Variants in VPS13C observed in about 807,000 individuals in gnomAD.
The protein encoded by VPS13C is intermembrane lipid transfer protein VPS13C.
A neutral mutation model predicts 456.8 loss-of-function variants in VPS13C; 358 were observed. That is an observed-to-expected ratio of 0.78 (90% CI 0.72 to 0.86). The LOEUF is 0.86. VPS13C is among the 40% of genes least tolerant of loss of function. The pLI, the probability that VPS13C is intolerant of heterozygous loss-of-function variation, is 0.00. For synonymous variants in VPS13C, 1,578 were observed against 1,486.7 expected (o/e 1.06, Z -1.41); for missense variants, 4,818 against 4,385.4 (o/e 1.10, Z -2.79).
At chr15:61,907,109 A>T in intron 66 of VPS13C, 155 bp downstream of exon 66, 4 of 981,952 alleles carry the variant, frequency 4.1e-6, no homozygotes, top group Non-Finnish European at 6.2e-6. Context: ...GGTTTGAACT[A>T]CAGTATTTGC....
chr15:62,008,174 T>C (rs2046916335), intron 14 of VPS13C, among the ~76,000 whole-genome samples: 1 of 151,946 alleles, frequency 6.6e-6, no homozygotes, highest in African/African-American at 2.4e-5. Context: ...GAGGTTGCAA[T>C]GAGCCAAGAT....
chr15:61,994,436 T>A (rs2046314950), intron 16 of VPS13C, among the ~76,000 whole-genome samples: 1 of 152,122 alleles, frequency 6.6e-6, no homozygotes, highest in South Asian at 2.1e-4. Flanking sequence ...CCTAATAACT[T>A]GTACCTTGGG....
At chr15:61,939,508 C>A (rs1456997952) in intron 47 of VPS13C, among the ~76,000 whole-genome samples, 2 of 152,128 alleles carry the variant, frequency 1.3e-5, no homozygotes, top group African/African-American at 4.8e-5. Context: ...TATGAAAACC[C>A]ATTAAACCAC....
Position 61,967,454 on chromosome 15 carries a change from TA to T in VPS13C, c.2912-8del. The T allele has an allele frequency of 6.3e-7, 1 of 1,576,892 alleles. No homozygotes were observed. On this transcript the variant is annotated splice_region_variant and splice_polypyrimidine_tract_variant and intron_variant, in intron 28 of 84. Coordinates refer to ENST00000644861, the MANE Select transcript of VPS13C (RefSeq NM_020821.3). ...AGGGGCTTCCTTTTGGATCCTAGAT[TA>T]AAGAAAAAGGAAAAAAAAGTGTTTC...
chr15:61,864,779 G>C (rs1209936757), intron 81 of VPS13C: 3 of 985,222 alleles, frequency 3.0e-6, no homozygotes, highest in East Asian at 1.1e-4. Context: ...CAATTCACTT[G>C]TGCGAATTAG....
intron 4 of VPS13C, among the ~76,000 whole-genome samples, chr15:62,033,790 A>T (rs971793187): frequency 6.6e-6 from 1 of 151,642 alleles, no homozygotes; most frequent in Non-Finnish European, 1.5e-5. Context: ...AAAAAGGGAG[A>T]CAGGAGGAGG....
At position 61,931,139 on chromosome 15, in the gene VPS13C, T is replaced by A. The variant is rs1692788479; in HGVS notation, c.5989A>T (p.Thr1997Ser). 1 of 1,614,120 alleles carries A rather than the reference T, an allele frequency of 6.2e-7. No individual in the cohort carries two copies. Among genetic ancestry groups the A allele is most frequent in the African/African-American group, 1.3e-5 (1 of 75,044 alleles). The change falls in exon 50 of 85, where the codon ACA becomes TCA. Residue 1997 changes from threonine (T) to serine (S), a missense_variant. Around this residue, in one of 3 missense-constraint regions of VPS13C, gnomAD observed 4,552 missense variants for 4,130.6 expected, o/e 1.10. Transcript: ENST00000644861. Reference sequence around the variant, plus strand: ...TCTCTGAGATCATCAAGGGTGCATGTCTTAAGTTTAACGCTGACATTCATT... The same window carrying A: ...TCTCTGAGATCATCAAGGGTGCATGACTTAAGTTTAACGCTGACATTCATT... ...GSMNVSVKLK[T>S]CTLDDLREGI...
rs1441804270 is a variant in VPS13C at position 61,854,574 on chromosome 15, C to T, written c.11161-16G>A. On this transcript the variant is annotated splice_polypyrimidine_tract_variant and intron_variant, in intron 84 of 84. Coordinates refer to ENST00000644861, the MANE Select transcript of VPS13C (RefSeq NM_020821.3). ...TACATGCTCTCTGTAAAGTAAAATACTTATTATGAATTTTAAAGACAAGTA... is the reference window on the plus strand; with the variant it reads ...TACATGCTCTCTGTAAAGTAAAATATTTATTATGAATTTTAAAGACAAGTA... 1.9e-6 allele frequency: 3 copies of T among 1,611,996 alleles called. No individual in the cohort carries two copies. Among genetic ancestry groups the T allele is most frequent in the South Asian group, 2.2e-5 (2 of 91,018 alleles).
At chr15:62,000,651 A>G (rs1257320779) in intron 15 of VPS13C, 25 bp from the exon 16 acceptor site, 1 of 1,575,248 alleles carries the variant, frequency 6.3e-7, no homozygotes, top group Admixed American at 2.0e-5. Context: ...GGCACTTATA[A>G]ACAAGAAATT....
At chr15:61,999,495 A>C (rs1346195741) in intron 16 of VPS13C, among the ~76,000 whole-genome samples, 3 of 152,318 alleles carry the variant, frequency 2.0e-5, no homozygotes, top group African/African-American at 7.2e-5. Context: ...TATATGCCTT[A>C]ATCTCATTTA....
At position 61,943,887 on chromosome 15, in the gene VPS13C, T is replaced by C. The variant is rs577005064; in HGVS notation, c.5149-1820A>G. 2.7e-5 allele frequency among the ~76,000 whole-genome samples: 4 copies of C among 149,756 alleles called. No individual in the cohort carries two copies. The South Asian group carries it at 6.4e-4, about 24-fold the overall frequency. Reference sequence around the variant, plus strand: ...AAAAAATGTTCGCAAATTATGCATCTGACAAAGGTCTAACATCCAGAATCT... The same window carrying C: ...AAAAAATGTTCGCAAATTATGCATCCGACAAAGGTCTAACATCCAGAATCT... On this transcript the variant is annotated intron_variant, in intron 45 of 84. Coordinates refer to ENST00000644861, the MANE Select transcript of VPS13C (RefSeq NM_020821.3).
At chr15:61,947,448 T>A in intron 42 of VPS13C, 139 bp from the exon 43 acceptor site, 1 of 544,394 alleles carries the variant, frequency 1.8e-6, no homozygotes. Context: ...AACATGTAAT[T>A]AACATAAATT....
At chr15:62,019,482 T>C (rs552322507) in intron 9 of VPS13C, among the ~76,000 whole-genome samples, 3 of 152,176 alleles carry the variant, frequency 2.0e-5, no homozygotes, top group Non-Finnish European at 4.4e-5. Flanking sequence ...GATTCTGGTA[T>C]GTTGTGTCTT....
chr15:62,000,834 C>T (rs2046587448), intron 15 of VPS13C, among the ~76,000 whole-genome samples: 1 of 152,164 alleles, frequency 6.6e-6, no homozygotes, highest in Non-Finnish European at 1.5e-5. Flanking sequence ...AATAAATCCT[C>T]ATTAAATATA....
chr15:61,982,938 G>C (rs1047702536), intron 20 of VPS13C, among the ~76,000 whole-genome samples: 11 of 152,176 alleles, frequency 7.2e-5, no homozygotes, highest in African/African-American at 2.4e-4. Flanking sequence ...AGAAAATTAA[G>C]AGGAAGAAAG....
At chr15:61,894,740 A>C (rs2042756051) in intron 66 of VPS13C, among the ~76,000 whole-genome samples, 4 of 152,186 alleles carry the variant, frequency 2.6e-5, no homozygotes, top group African/African-American at 9.7e-5. Context: ...ATATAAAGAA[A>C]ATAATAACAG....
chr15:62,023,826 G>C lies in VPS13C; in HGVS notation c.468C>G (p.His156Gln). ...DIKPGRKRKK[H>Q]KKHFKKPFKG... ...TAAAAGGTTTCTTAAAATGTTTTTT[G>C]TGCTTTTTACGTTTACGTCCTTCAC... is the stretch of plus-strand genomic sequence containing the variant. Residue 156 changes from histidine (H) to glutamine (Q), a missense_variant, in exon 7 of 85, where the codon CAC (histidine) becomes CAG (glutamine). Physicochemically the swap from His to Gln is conservative, Grantham distance 24. Transcript: ENST00000644861. The C allele has an allele frequency of 6.2e-7, 1 of 1,610,728 alleles. No individual in the cohort carries two copies. Among genetic ancestry groups the C allele is most frequent in the Non-Finnish European group, 8.5e-7 (1 of 1,178,270 alleles).
chr15:61,861,746 TA>T (rs1894238569), intron 82 of VPS13C, among the ~76,000 whole-genome samples: 1 of 152,172 alleles, frequency 6.6e-6, no homozygotes, highest in Admixed American at 6.5e-5. Flanking sequence ...ATGTAATCAT[TA>T]AAGGTCTAAA....
intron 50 of VPS13C, 124 bp from the exon 51 acceptor site, chr15:61,929,872 G>C: frequency 1.0e-6 from 1 of 960,466 alleles, no homozygotes; most frequent in Non-Finnish European, 1.5e-6. Context: ...TAGAAAACAG[G>C]TCAACATTAA....
Sources: gnomAD v4.1 joint callset for allele counts (sites outside exome capture counted in the v4.1 genomes callset) on GRCh38, gnomAD v4.1.1 for gene constraint, gnomAD v4.1.1 regional missense constraint, MANE v1.5 for transcripts, NCBI Gene and HGNC (gene_info 2026-07-23, HGNC 2026-07-21) for gene names.